Variants in PMS1 observed in about 807,000 individuals in gnomAD.
The protein encoded by PMS1 is PMS1 protein homolog 1.
PMS1 carries 79 observed loss-of-function variants against 93.1 expected under a neutral mutation model. That is an observed-to-expected ratio of 0.85 (90% CI 0.71 to 1.02). The LOEUF is 1.02. Ranked by LOEUF, PMS1 falls within the 50% of genes least tolerant of loss-of-function variation. The probability of loss-of-function intolerance (pLI) is 0.00; values close to 1 mark genes in which losing one functional copy is unlikely to be tolerated. For missense variants in PMS1, 1,064 were observed against 1,085.3 expected (o/e 0.98, Z 0.28); for synonymous variants, 335 against 363.4 (o/e 0.92, Z 0.89).
chr2:189,854,120 TA>T, intron 8 of PMS1, 38 bp downstream of exon 8: 3 of 1,452,910 alleles, frequency 2.1e-6, no homozygotes, highest in Non-Finnish European at 2.9e-6. Context: ...ATGCTATTTA[TA>T]AACATATATT....
chr2:189,818,510 TACTC>T (rs1339574262), intron 5 of PMS1, among the ~76,000 whole-genome samples: 4 of 152,226 alleles, frequency 2.6e-5, no homozygotes, highest in East Asian at 3.8e-4. Flanking sequence ...ATCTTGGACT[TACTC>T]AGCCTCCAAA....
Position 189,818,065 on chromosome 2 carries a change from A to T in PMS1, c.467A>T (p.Lys156Met), listed in dbSNP as rs1331261141. Reference protein sequence around the residue: ...LRLFKNLPVRKQFYSTAKKCK... With the variant: ...LRLFKNLPVRMQFYSTAKKCK... Reference sequence around the variant, plus strand: ...TTATTTAAGAATCTACCTGTAAGAAAGCAGTTTTACTCAACTGCAAAAAAA... The same window carrying T: ...TTATTTAAGAATCTACCTGTAAGAATGCAGTTTTACTCAACTGCAAAAAAA... The change falls in exon 5 of 13, where the codon AAG becomes ATG. Residue 156 changes from lysine (K) to methionine (M), a missense_variant. Transcript: ENST00000441310. The T allele has an allele frequency of 1.9e-6, 3 of 1,607,398 alleles. No homozygotes were observed. The highest frequency in any genetic ancestry group is 2.6e-6 in the Non-Finnish European group (3 of 1,174,248).
chr2:189,789,674 A>C (rs2048669017), intron 1 of PMS1, among the ~76,000 whole-genome samples: 2 of 151,260 alleles, frequency 1.3e-5, no homozygotes, highest in African/African-American at 4.9e-5. Context: ...ATAATCCTAA[A>C]CTGATGACTT....
chr2:189,810,077 A>G (rs1288038562), intron 4 of PMS1, among the ~76,000 whole-genome samples: 2 of 152,148 alleles, frequency 1.3e-5, no homozygotes, highest in Admixed American at 1.3e-4. Flanking sequence ...CTAGTGGGGA[A>G]CACAGGTGAG....
chr2:189,871,377 C>G (rs988169580), intron 11 of PMS1, among the ~76,000 whole-genome samples: 1 of 152,124 alleles, frequency 6.6e-6, no homozygotes, highest in Non-Finnish European at 1.5e-5. Context: ...TTGTGTTGGG[C>G]TGCATTCAAA....
At position 189,792,281 on chromosome 2, in the gene PMS1, A is replaced by T. The variant is rs1312662616; in HGVS notation, c.132+340A>T. Among the ~76,000 whole-genome samples, 8 of 152,180 alleles carry T rather than the reference A, an allele frequency of 5.3e-5. No individual in the cohort carries two copies. The East Asian group carries it at 1.4e-3, about 26-fold the overall frequency. Reference sequence around the variant, plus strand: ...TTTTTTCCATCTAATCTAATTTCAAACCATTTCCCTTGTTACTTTTTTCAC... The same window carrying T: ...TTTTTTCCATCTAATCTAATTTCAATCCATTTCCCTTGTTACTTTTTTCAC... On this transcript the variant is annotated intron_variant, in intron 2 of 12. Coordinates refer to ENST00000441310, the MANE Select transcript of PMS1 (RefSeq NM_000534.5).
intron 4 of PMS1, among the ~76,000 whole-genome samples, chr2:189,814,271 A>G (rs1295991748): frequency 6.6e-6 from 1 of 152,084 alleles, no homozygotes; most frequent in African/African-American, 2.4e-5. Flanking sequence ...GTATGCAGGT[A>G]AGCCAAGGAA....
intron 6 of PMS1, among the ~76,000 whole-genome samples, chr2:189,846,804 G>A (rs2054290164): frequency 6.6e-6 from 1 of 151,104 alleles, no homozygotes. Flanking sequence ...GAGGTCTTGA[G>A]TATTTTTTTA....
At chr2:189,803,827 G>A (rs1006656438) in intron 3 of PMS1, among the ~76,000 whole-genome samples, 3 of 152,052 alleles carry the variant, frequency 2.0e-5, no homozygotes, top group Admixed American at 1.3e-4. Context: ...ATCTAAATAC[G>A]TTTTCGTAGT....
At chr2:189,833,327 C>G (rs2053115401) in intron 5 of PMS1, among the ~76,000 whole-genome samples, 1 of 152,246 alleles carries the variant, frequency 6.6e-6, no homozygotes, top group South Asian at 2.1e-4. Flanking sequence ...CAGTGGCTCA[C>G]ACCTGTAATC....
intron 5 of PMS1, among the ~76,000 whole-genome samples, chr2:189,829,970 C>T (rs563180511): frequency 1.3e-5 from 2 of 152,318 alleles, no homozygotes; most frequent in South Asian, 2.1e-4. Context: ...CTCAGTGATT[C>T]TGTAAAAATG....
chr2:189,873,654 G>A lies in PMS1; in HGVS notation c.2632G>A (p.Glu878Lys). 6 of 1,601,596 alleles carry A rather than the reference G, an allele frequency of 3.7e-6. No individual in the cohort carries two copies. The South Asian group carries it at 5.5e-5, about 15-fold the overall frequency. ...CRPRKVISYL[E>K]GEAVRLSRQL... ...ACCTCGCAAAGTGATAAGTTATTTA[G>A]AGGTACGCATTATTTTATATATATG... Residue 878 changes from glutamate (E) to lysine (K), a missense_variant and splice_region_variant, in exon 12 of 13, where the codon GAG becomes AAG. Coordinates refer to ENST00000441310, the MANE Select transcript of PMS1 (RefSeq NM_000534.5).
At chr2:189,872,850 G>A (rs2057272319) in intron 11 of PMS1, among the ~76,000 whole-genome samples, 1 of 151,978 alleles carries the variant, frequency 6.6e-6, no homozygotes, top group Admixed American at 6.6e-5. Flanking sequence ...TGGACAGGCT[G>A]GTCTCAAACT....
rs1559308226 is a variant in PMS1 at position 189,855,019 on chromosome 2, C to G, written c.1747C>G (p.Gln583Glu). 6.2e-7 allele frequency: 1 copy of G among 1,613,118 alleles called. No homozygotes were observed. Among genetic ancestry groups the G allele is most frequent in the South Asian group, 1.1e-5 (1 of 91,040 alleles). Residue 583 changes from glutamine (Q) to glutamate (E), a missense_variant, in exon 9 of 13, where the codon CAA (glutamine) becomes GAA (glutamate). Physicochemically the swap from Gln to Glu is conservative, Grantham distance 29 (BLOSUM62 2). Transcript: ENST00000441310. ...KPMSASALFV[Q>E]DHRPQFLIEN... is the part of the protein sequence containing the mutation. ...CATGTCAGCAAGTGCTCTTTTTGTT[C>G]AAGATCATCGTCCTCAGTTTCTCAT...
At chr2:189,813,248 T>C (rs1284433383) in intron 4 of PMS1, among the ~76,000 whole-genome samples, 1 of 152,204 alleles carries the variant, frequency 6.6e-6, no homozygotes, top group Non-Finnish European at 1.5e-5. Context: ...GTTGGTGTTA[T>C]ATGAGAAAGG....
At chr2:189,837,355 C>T (rs1010231731) in intron 5 of PMS1, among the ~76,000 whole-genome samples, 7 of 151,892 alleles carry the variant, frequency 4.6e-5, no homozygotes, top group African/African-American at 9.7e-5. Flanking sequence ...TATTGAACTC[C>T]GGACCTCAAG....
At chr2:189,863,675 A>G (rs1575344407) in intron 9 of PMS1, 68 bp from the exon 10 acceptor site, 1 of 1,244,318 alleles carries the variant, frequency 8.0e-7, no homozygotes, top group East Asian at 2.3e-5. Context: ...TTTTTATAAA[A>G]TTTACTTCAG....
rs972672920 is a variant in PMS1, at chr2:189,809,447, C to CTTTTTTTTTTTTTTTTT, written c.418+3704_418+3720dup. ...TTGGTGCTTTTAAGGAAGCACATTT[C>CTTTTTTTTTTTTTTTTT]TTTTTTTTTTTTTTTTTTTTTTTTT... On this transcript the variant is annotated intron_variant, in intron 4 of 12. Transcript: ENST00000441310. 1.2e-3 allele frequency among the ~76,000 whole-genome samples: 75 copies of CTTTTTTTTTTTTTTTTT among 63,458 alleles called. 12 individuals are homozygous for CTTTTTTTTTTTTTTTTT. Among genetic ancestry groups the CTTTTTTTTTTTTTTTTT allele is most frequent in the African/African-American group, 2.3e-3 (41 of 18,122 alleles). The allele number at this position is 63,458 out of a possible 152,430, so 41.6% of individuals were successfully genotyped here.
At chr2:189,853,759 C>T (rs2055031482) in intron 7 of PMS1, among the ~76,000 whole-genome samples, 180 bp from the exon 8 acceptor site, 1 of 152,080 alleles carries the variant, frequency 6.6e-6, no homozygotes, top group African/African-American at 2.4e-5. Context: ...TCAAGTGATC[C>T]CCCCACCTTG....
Sources: gnomAD v4.1 joint callset for allele counts (sites outside exome capture counted in the v4.1 genomes callset) on GRCh38, gnomAD v4.1.1 for gene constraint, MANE v1.5 for transcripts, NCBI Gene and HGNC (gene_info 2026-07-23, HGNC 2026-07-21) for gene names.